Variants in TAF1 observed in about 807,000 individuals in gnomAD.
TAF1 encodes the protein TATA-box binding protein associated factor 1.
In TAF1, 2 loss-of-function variants were observed where a neutral mutation model predicts 138.5. The observed-to-expected ratio is 0.01, with a 90% CI of 0.01 to 0.05. TAF1 has a LOEUF of 0.05. Among genes scored for constraint, TAF1 ranks in the 10% least tolerant of loss-of-function variants. The probability of loss-of-function intolerance (pLI) is 1.00; values close to 1 mark genes in which losing one functional copy is unlikely to be tolerated. For synonymous variants in TAF1, 437 were observed against 503.2 expected (o/e 0.87, Z 1.76); for missense variants, 709 against 1,478.0 (o/e 0.48, Z 8.53).
At chrX:71,445,052 T>A (rs2037622689) in intron 32 of TAF1, among the ~76,000 whole-genome samples, 1 of 110,500 alleles carries the variant, frequency 9.0e-6, no homozygotes, top group South Asian at 3.8e-4. Context: ...CTTTAAGAAG[T>A]TGGCAGAACG....
chrX:71,393,165 A>AT, intron 20 of TAF1, 136 bp from the exon 21 acceptor site: 1 of 1,050,419 alleles, frequency 9.5e-7, no homozygotes, highest in Non-Finnish European at 1.2e-6. Context: ...CTTTGGGGTG[A>AT]TTTTTCTTTT....
At chrX:71,422,441 G>A (rs970528787) in intron 29 of TAF1, among the ~76,000 whole-genome samples, 1 of 107,612 alleles carries the variant, frequency 9.3e-6, no homozygotes, top group Admixed American at 1.0e-4. Context: ...TTGGCCTCCC[G>A]AGTAGCTGGG....
chrX:71,501,618 G>A (rs1267047412), intron 13 of TAF1, among the ~76,000 whole-genome samples: 2 of 111,386 alleles, frequency 1.8e-5, no homozygotes, highest in Non-Finnish European at 3.8e-5. Flanking sequence ...GGACCCTGGA[G>A]CTGAATGGCT....
intron 13 of TAF1, among the ~76,000 whole-genome samples, chrX:71,494,579 A>G (rs140016798): frequency 0.019 from 2,086 of 112,343 alleles, 47 homozygotes; most frequent in African/African-American, 0.064. Context: ...CATCCCTGAA[A>G]GGGTATATCC....
chrX:71,507,908 G>A (rs960760972), intron 13 of TAF1, among the ~76,000 whole-genome samples: 3 of 109,811 alleles, frequency 2.7e-5, no homozygotes, highest in South Asian at 3.9e-4. Flanking sequence ...TGAGAATCAC[G>A]TGAATCTGGG....
intron 3 of TAF1, among the ~76,000 whole-genome samples, chrX:71,369,557 ATTGT>A (rs767291231): frequency 3.4e-4 from 37 of 110,360 alleles, no homozygotes; most frequent in East Asian, 8.7e-4. Context: ...TTCGTTAGAC[ATTGT>A]TTGAGCACTT....
chrX:71,492,821 C>G (rs1228109579), intron 13 of TAF1: 1 of 112,534 alleles, frequency 8.9e-6, no homozygotes, highest in Non-Finnish European at 1.9e-5. Flanking sequence ...CGGCCGCACC[C>G]TCCGGTCTGC....
At chrX:71,401,031 C>T (rs1457425907) in intron 24 of TAF1, among the ~76,000 whole-genome samples, 2 of 112,403 alleles carry the variant, frequency 1.8e-5, no homozygotes, top group African/African-American at 6.5e-5. Flanking sequence ...CTTCCAACAG[C>T]TTGTCTCCTG....
At chrX:71,397,494 T>C (rs1443384822) in intron 23 of TAF1, 28 bp downstream of exon 23, 1 of 1,207,106 alleles carries the variant, frequency 8.3e-7, no homozygotes, top group African/African-American at 1.8e-5. Flanking sequence ...CTTCCTTTTT[T>C]TTCTTTGAGG....
chrX:71,389,795 T>C, intron 18 of TAF1, 130 bp downstream of exon 18: 1 of 456,346 alleles, frequency 2.2e-6, no homozygotes, highest in Non-Finnish European at 3.5e-6. Context: ...GTTCTTGCTT[T>C]ATTCATGCCA....
chrX:71,366,418 C>T lies in TAF1; in HGVS notation c.44C>T (p.Pro15Leu), dbSNP rs201002218. 9.2e-6 allele frequency: 11 copies of T among 1,198,959 alleles called. No individual in the cohort carries two copies. The highest frequency in any genetic ancestry group is 1.2e-5 in the Non-Finnish European group (11 of 890,599). Residue 15 changes from proline (P) to leucine (L), a missense_variant, in exon 1 of 38, where the codon CCA becomes CTA. Physicochemically the swap from Pro to Leu is moderately conservative, Grantham distance 98. Coordinates refer to ENST00000423759, the MANE Select transcript of TAF1 (RefSeq NM_004606.5). Reference sequence around the variant, plus strand: ...GACGAAGATTCCGCTGGAGGCGGCCCATTTTCTTTAGCGGGTTTCCTTTTC... The same window carrying T: ...GACGAAGATTCCGCTGGAGGCGGCCTATTTTCTTTAGCGGGTTTCCTTTTC... Reference protein sequence around the residue: ...DSDEDSAGGGPFSLAGFLFGN... With the variant: ...DSDEDSAGGGLFSLAGFLFGN...
intron 13 of TAF1, among the ~76,000 whole-genome samples, chrX:71,500,408 T>G (rs1321558016): frequency 1.9e-4 from 19 of 101,606 alleles, no homozygotes; most frequent in Admixed American, 4.2e-4. Context: ...TTTTTCAGGG[T>G]TTGTGGGTCA....
At chrX:71,420,508 C>T (rs2036272482) in intron 28 of TAF1, 3 of 1,205,315 alleles carry the variant, frequency 2.5e-6, no homozygotes, top group African/African-American at 3.5e-5. Flanking sequence ...TCCATCTTCT[C>T]CTCAATGACA....
At chrX:71,413,515 T>C (rs890259542) in intron 28 of TAF1, among the ~76,000 whole-genome samples, 1 of 112,279 alleles carries the variant, frequency 8.9e-6, no homozygotes, top group East Asian at 2.8e-4. Context: ...TTGACCACTT[T>C]TTCCTCCTTG....
chrX:71,388,999 C>A, intron 17 of TAF1, 131 bp downstream of exon 17: 2 of 790,186 alleles, frequency 2.5e-6, no homozygotes, highest in Non-Finnish European at 3.5e-6. Context: ...AGATTATTAC[C>A]AATTACTAAA....
At chrX:71,398,982 C>T (rs1259874369) in intron 24 of TAF1, among the ~76,000 whole-genome samples, 2 of 111,615 alleles carry the variant, frequency 1.8e-5, no homozygotes, top group Non-Finnish European at 3.8e-5. Context: ...CTCTGTTGCC[C>T]AGGCTGGAGT....
intron 25 of TAF1, among the ~76,000 whole-genome samples, chrX:71,406,025 A>G (rs1287264254): frequency 1.8e-5 from 2 of 110,633 alleles, no homozygotes; most frequent in African/African-American, 6.6e-5. Context: ...CTAGCCTTTT[A>G]ACATTTAAGA....
chrX:71,462,073 G>T (rs992984041), intron 37 of TAF1, among the ~76,000 whole-genome samples: 1 of 111,450 alleles, frequency 9.0e-6, no homozygotes, highest in African/African-American at 3.3e-5. Context: ...ATTGATCCAT[G>T]TAAGATCTAT....
At position 71,464,951 on chromosome X, in the gene TAF1, C is replaced by T. The variant is rs779739889; in HGVS notation, c.*905C>T. On this transcript the variant is annotated 3_prime_UTR_variant, in exon 38 of 38. Coordinates refer to ENST00000423759, the MANE Select transcript of TAF1 (RefSeq NM_004606.5). ...TATATGTCAGAAATGATAATGTTGC[C>T]ACCTAAATGTTTTCTGTCCCCCCCA... is the stretch of plus-strand genomic sequence containing the variant. The T allele has an allele frequency of 5.4e-5, 6 of 111,378 alleles. No homozygotes were observed. The South Asian group carries it at 1.1e-3, about 21-fold the overall frequency. 9.2% of individuals were successfully genotyped at this position (111,378 alleles called of 1,213,427 possible).
Sources: gnomAD v4.1 joint callset for allele counts (sites outside exome capture counted in the v4.1 genomes callset) on GRCh38, gnomAD v4.1.1 for gene constraint, MANE v1.5 for transcripts, NCBI Gene and HGNC (gene_info 2026-07-23, HGNC 2026-07-21) for gene names.